Variants in MYO5A observed in about 807,000 individuals in gnomAD.
MYO5A encodes the protein myosin VA, also known as unconventional myosin-Va.
MYO5A carries 98 observed loss-of-function variants against 249.7 expected under a neutral mutation model. The ratio of observed to expected loss-of-function variants is 0.39; its 90% confidence interval spans 0.33 to 0.46. MYO5A has a LOEUF of 0.46. MYO5A is among the 20% of genes least tolerant of loss of function. MYO5A has a pLI of 0.98. For missense variants in MYO5A, 1,696 were observed against 2,308.8 expected, an observed-to-expected ratio of 0.73 and a Z score of 5.44; for synonymous variants, 778 against 810.6, an observed-to-expected ratio of 0.96 and a Z score of 0.68.
chr15:52,477,473 G>A (rs571750867), intron 1 of MYO5A, among the ~76,000 whole-genome samples: 1 of 152,340 alleles, frequency 6.6e-6, no homozygotes, highest in African/African-American at 2.4e-5. Context: ...TTCCTTTGGA[G>A]GAGAAGAGGC....
intron 32 of MYO5A, among the ~76,000 whole-genome samples, chr15:52,338,432 T>C: frequency 6.6e-6 from 1 of 152,036 alleles, no homozygotes; most frequent in East Asian, 1.9e-4. Flanking sequence ...GTGTTTTGTG[T>C]TGGTGGTAGG....
intron 34 of MYO5A, among the ~76,000 whole-genome samples, chr15:52,333,699 T>A (rs7179156): frequency 0.052 from 7,992 of 152,278 alleles, 599 homozygotes; most frequent in African/African-American, 0.17. Context: ...GCATTTTTTT[T>A]AAAAGTCTGT....
At position 52,340,340 on chromosome 15, in the gene MYO5A, C is replaced by G. The variant is rs928150902; in HGVS notation, c.4095G>C (p.Glu1365Asp). The G allele has an allele frequency of 6.2e-7, 1 of 1,613,860 alleles. No individual in the cohort carries two copies. The highest frequency in any genetic ancestry group is 1.3e-5 in the African/African-American group (1 of 74,918). The change falls in exon 32 of 42, where the codon GAG (glutamate) becomes GAC (aspartate). Residue 1365 changes from glutamate (E) to aspartate (D), a missense_variant. Physicochemically the swap from Glu to Asp is conservative, Grantham distance 45 (BLOSUM62 2). This residue lies in a region of MYO5A where 625 missense variants were observed against 908.1 expected (regional missense o/e 0.69). Transcript: ENST00000399233. ...SQKRSHENEA[E>D]ALRGEIQSLK... is the part of the protein sequence containing the mutation. The stretch of plus-strand genomic sequence containing the variant: ...GGCTCTGGATCTCCCCACGGAGGGC[C>G]TCGGCCTCATTCTCATGGCTCCTCT...
chr15:52,414,294 AC>A (rs2043379276), intron 5 of MYO5A, among the ~76,000 whole-genome samples: 1 of 152,194 alleles, frequency 6.6e-6, no homozygotes, highest in Admixed American at 6.5e-5. Context: ...TGCTTACTGT[AC>A]AGCCCACAGA....
intron 34 of MYO5A, among the ~76,000 whole-genome samples, chr15:52,334,194 T>C (rs545247469): frequency 3.3e-5 from 5 of 152,212 alleles, no homozygotes; most frequent in South Asian, 2.1e-4. Flanking sequence ...CTAAAAAATA[T>C]ACATATCAAA....
rs1420263839 is a variant in MYO5A at position 52,310,373 on chromosome 15, T to C, written c.*3323A>G. On this transcript the variant is annotated 3_prime_UTR_variant, in exon 42 of 42. Coordinates refer to ENST00000399233, the MANE Select transcript of MYO5A (RefSeq NM_001382347.1). ...GGGAAATTACTTTTAAATTTTCAGC[T>C]TCAAGTTGTAAGGGTGTGAGGTGAG... 1 of 152,246 alleles carries C rather than the reference T, an allele frequency of 6.6e-6. No individual in the cohort carries two copies. The highest frequency in any genetic ancestry group is 2.4e-5 in the African/African-American group (1 of 41,466). 9.4% of individuals were successfully genotyped at this position (152,246 alleles called of 1,614,324 possible).
intron 14 of MYO5A, among the ~76,000 whole-genome samples, chr15:52,386,580 C>T (rs756930142): frequency 8.6e-5 from 13 of 151,166 alleles, no homozygotes; most frequent in South Asian, 4.2e-4. Flanking sequence ...GACAGAGTCT[C>T]GCTGTCTCCG....
chr15:52,364,080 T>C (rs1268111390), intron 24 of MYO5A, among the ~76,000 whole-genome samples: 1 of 151,708 alleles, frequency 6.6e-6, no homozygotes. Flanking sequence ...CTACTAAAAA[T>C]ACAAAAAATT....
At chr15:52,399,896 A>G (rs560720395) in intron 9 of MYO5A, among the ~76,000 whole-genome samples, 2 of 152,296 alleles carry the variant, frequency 1.3e-5, no homozygotes, top group African/African-American at 4.8e-5. Context: ...CTTATAAGTG[A>G]GAATATGTTG....
Position 52,507,476 on chromosome 15 carries a change from T to TCCC in MYO5A, c.27+21303_27+21304insGGG, listed in dbSNP as rs1454249274. On this transcript the variant is annotated intron_variant, in intron 1 of 41. Coordinates refer to ENST00000399233, the MANE Select transcript of MYO5A (RefSeq NM_001382347.1). ...ATCCTAACTAGAATGAAGGGAAAAT[T>TCCC]TTAATAGTGTACATAGCTGATGTCC... is the stretch of plus-strand genomic sequence containing the variant. Among the ~76,000 whole-genome samples, 3 of 152,014 alleles carry TCCC rather than the reference T, an allele frequency of 2.0e-5. No homozygotes were observed. The East Asian group carries it at 5.8e-4, about 29-fold the overall frequency.
intron 2 of MYO5A, among the ~76,000 whole-genome samples, chr15:52,429,873 G>C (rs2075487902): frequency 6.6e-6 from 1 of 152,086 alleles, no homozygotes; most frequent in Non-Finnish European, 1.5e-5. Flanking sequence ...CCAAATGCTG[G>C]GATTACAGGT....
intron 12 of MYO5A, 96 bp downstream of exon 12, chr15:52,391,834 C>T: frequency 7.6e-7 from 1 of 1,307,816 alleles, no homozygotes; most frequent in Non-Finnish European, 1.1e-6. Context: ...GACGGCATTC[C>T]ATGATATACT....
intron 25 of MYO5A, among the ~76,000 whole-genome samples, chr15:52,354,937 G>C (rs191301183): frequency 1.9e-3 from 285 of 151,764 alleles, no homozygotes; most frequent in African/African-American, 6.6e-3. Context: ...ACAAACTGTA[G>C]GACAGAAAAT....
At chr15:52,314,299 T>TCC in intron 40 of MYO5A, 96 bp from the exon 41 acceptor site, 4 of 915,264 alleles carry the variant, frequency 4.4e-6, no homozygotes, top group Non-Finnish European at 7.1e-6. Flanking sequence ...TGCGTACAGA[T>TCC]TTCAGTTCTA....
intron 4 of MYO5A, among the ~76,000 whole-genome samples, chr15:52,418,886 A>G (rs1411003366): frequency 2.0e-5 from 3 of 152,124 alleles, no homozygotes; most frequent in Non-Finnish European, 4.4e-5. Context: ...TATGAAATGT[A>G]TTATTTTATA....
At position 52,358,057 on chromosome 15, in the gene MYO5A, A is replaced by C. The variant is rs139881882; in HGVS notation, c.3423+1911T>G. Among the ~76,000 whole-genome samples, 899 of 152,340 alleles carry C rather than the reference A, an allele frequency of 5.9e-3. 10 individuals are homozygous for C. The highest frequency in any genetic ancestry group is 0.021 in the African/African-American group (860 of 41,584). ...CAGCAGAAGCAGAACAGGGATCATC[A>C]GTCAAGGGCTCCTAGAAGAGGTGCA... On this transcript the variant is annotated intron_variant, in intron 25 of 41. Coordinates refer to ENST00000399233, the MANE Select transcript of MYO5A (RefSeq NM_001382347.1).
At chr15:52,501,088 G>C (rs1328296518) in intron 1 of MYO5A, among the ~76,000 whole-genome samples, 1 of 151,812 alleles carries the variant, frequency 6.6e-6, no homozygotes, top group Admixed American at 6.6e-5. Context: ...TCCTGCCTCA[G>C]CCTCCCGAGT....
At chr15:52,504,517 T>C (rs914303017) in intron 1 of MYO5A, among the ~76,000 whole-genome samples, 6 of 152,208 alleles carry the variant, frequency 3.9e-5, no homozygotes, top group African/African-American at 1.4e-4. Context: ...TAACACCATA[T>C]AGACAAATTC....
At chr15:52,327,438 T>C (rs1391885847) in intron 36 of MYO5A, among the ~76,000 whole-genome samples, 1 of 152,206 alleles carries the variant, frequency 6.6e-6, no homozygotes, top group Non-Finnish European at 1.5e-5. Flanking sequence ...CTGGGTGCAG[T>C]GGCTCACACC....
Sources: gnomAD v4.1 joint callset for allele counts (sites outside exome capture counted in the v4.1 genomes callset) on GRCh38, gnomAD v4.1.1 for gene constraint, gnomAD v4.1.1 regional missense constraint, MANE v1.5 for transcripts, NCBI Gene and HGNC (gene_info 2026-07-23, HGNC 2026-07-21) for gene names.